SPATA13: variants seen among roughly 807,000 people sequenced by gnomAD.
SPATA13 encodes the protein spermatogenesis associated 13.
A neutral mutation model predicts 104.0 loss-of-function variants in SPATA13; 50 were observed. That is an observed-to-expected ratio of 0.48 (90% CI 0.38 to 0.61). SPATA13 has a LOEUF of 0.61. SPATA13 is among the 20% of genes least tolerant of loss of function. The pLI, the probability that SPATA13 is intolerant of heterozygous loss-of-function variation, is 0.00. For missense variants in SPATA13, 1,524 were observed against 1,690.6 expected (o/e 0.90, Z 1.73); for synonymous variants, 606 against 667.5 (o/e 0.91, Z 1.42).
At chr13:24,129,253 C>A (rs369497864) in intron 3 of SPATA13, among the ~76,000 whole-genome samples, 7 of 152,308 alleles carry the variant, frequency 4.6e-5, no homozygotes, top group African/African-American at 1.7e-4. Context: ...AGCAGCCAAC[C>A]ATCAAAGTCT....
At chr13:24,203,453 A>G (rs1870536669) in intron 1 of SPATA13, among the ~76,000 whole-genome samples, 4 of 152,178 alleles carry the variant, frequency 2.6e-5, no homozygotes. Flanking sequence ...TACATTTTGT[A>G]AAGTCTGTTT....
At chr13:24,215,402 T>C (rs1224485946) in intron 1 of SPATA13, among the ~76,000 whole-genome samples, 1 of 152,202 alleles carries the variant, frequency 6.6e-6, no homozygotes, top group East Asian at 1.9e-4. Flanking sequence ...GGAAAGGGCC[T>C]CTTCTGGGCC....
intron 3 of SPATA13, among the ~76,000 whole-genome samples, chr13:24,057,931 G>A (rs1593303663): frequency 6.6e-6 from 1 of 151,754 alleles, no homozygotes; most frequent in Middle Eastern, 3.4e-3. Flanking sequence ...CTAACTCCAC[G>A]TTATTATATC....
chr13:24,016,333 A>G (rs1377329251), intron 2 of SPATA13, among the ~76,000 whole-genome samples: 1 of 152,086 alleles, frequency 6.6e-6, no homozygotes, highest in African/African-American at 2.4e-5. Context: ...GCTGTTTCCC[A>G]GTAGCTACCA....
intron 1 of SPATA13, among the ~76,000 whole-genome samples, chr13:24,187,857 C>G (rs1869250427): frequency 6.6e-6 from 1 of 152,130 alleles, no homozygotes; most frequent in Non-Finnish European, 1.5e-5. Flanking sequence ...ATTAATAACT[C>G]TACAATAACC....
At chr13:24,078,442 T>C (rs1416176118) in intron 3 of SPATA13, among the ~76,000 whole-genome samples, 1 of 152,244 alleles carries the variant, frequency 6.6e-6, no homozygotes, top group Non-Finnish European at 1.5e-5. Flanking sequence ...CTGTCTCATT[T>C]ACAAATGAGA....
intron 1 of SPATA13, among the ~76,000 whole-genome samples, chr13:24,178,714 G>A (rs1381318988): frequency 6.6e-6 from 1 of 152,036 alleles, no homozygotes; most frequent in Non-Finnish European, 1.5e-5. Context: ...CTTCTGTCTA[G>A]GTTAAAAATT....
chr13:24,108,623 T>G (rs933883592), intron 3 of SPATA13, among the ~76,000 whole-genome samples: 1 of 149,958 alleles, frequency 6.7e-6, no homozygotes, highest in Non-Finnish European at 1.5e-5. Flanking sequence ...CCTTCCAGTT[T>G]GGAGCCTGGG....
chr13:24,056,481 A>G (rs1566087820), intron 3 of SPATA13, among the ~76,000 whole-genome samples: 1 of 152,214 alleles, frequency 6.6e-6, no homozygotes, highest in African/African-American at 2.4e-5. Context: ...ACATGCTCCC[A>G]TGGACCTCTG....
intron 1 of SPATA13, among the ~76,000 whole-genome samples, chr13:24,177,524 A>G (rs193071016): frequency 2.6e-5 from 4 of 152,290 alleles, no homozygotes; most frequent in Admixed American, 2.0e-4. Flanking sequence ...TTACTCTGCA[A>G]TCGTAGTTCA....
chr13:24,286,265 A>G lies in SPATA13; in HGVS notation c.2353A>G (p.Thr785Ala), dbSNP rs1477143810. 1 of 1,613,920 alleles carries G rather than the reference A, an allele frequency of 6.2e-7. No homozygotes were observed. Among genetic ancestry groups the G allele is most frequent in the African/African-American group, 1.3e-5 (1 of 74,912 alleles). ...CGCAGAAGCCCTGTGGGACCATGTG[A>G]CCATGGATGACCAGGAACTGGGCTT... ...VCAEALWDHV[T>A]MDDQELGFKA... is the part of the protein sequence containing the mutation. Residue 785 changes from threonine to alanine, a missense_variant, in exon 6 of 13, where the codon ACC (threonine) becomes GCC (alanine). This residue lies in a region of SPATA13 where 1,089 missense variants were observed against 1,135.9 expected (regional missense o/e 0.96). Transcript: ENST00000382108. This position sits in a 1 kb window ranked among gnomAD's most constrained non-coding sequence, Gnocchi z 4.9.
chr13:24,265,167 GCC>G (rs1279610223), intron 4 of SPATA13, among the ~76,000 whole-genome samples: 2 of 152,182 alleles, frequency 1.3e-5, no homozygotes, highest in Non-Finnish European at 2.9e-5. Flanking sequence ...GATGGGGCCC[GCC>G]CCTCCTGTGG....
At chr13:24,136,887 T>G (rs1183718855) in intron 3 of SPATA13, among the ~76,000 whole-genome samples, 1 of 107,394 alleles carries the variant, frequency 9.3e-6, no homozygotes, top group Non-Finnish European at 2.1e-5. Context: ...TGGAGTGCAG[T>G]GGCGGGATCT....
At chr13:24,133,890 A>T (rs1881467783) in intron 3 of SPATA13, among the ~76,000 whole-genome samples, 1 of 152,236 alleles carries the variant, frequency 6.6e-6, no homozygotes, top group Non-Finnish European at 1.5e-5. Flanking sequence ...AAGAAGTGAC[A>T]GCCTGCGTAG....
chr13:24,242,433 G>A (rs770226893), intron 2 of SPATA13, among the ~76,000 whole-genome samples: 1 of 152,186 alleles, frequency 6.6e-6, no homozygotes. Context: ...AAGGGTTTTT[G>A]CTATAACCTA....
At chr13:24,214,216 T>C (rs1301717807) in intron 1 of SPATA13, among the ~76,000 whole-genome samples, 1 of 152,226 alleles carries the variant, frequency 6.6e-6, no homozygotes, top group Non-Finnish European at 1.5e-5. Context: ...CACCTGCACA[T>C]GTGGTACATC....
At chr13:24,014,512 T>C (rs568504263) in intron 2 of SPATA13, among the ~76,000 whole-genome samples, 1 of 152,364 alleles carries the variant, frequency 6.6e-6, no homozygotes, top group South Asian at 2.1e-4. Context: ...TACTGTATAC[T>C]GTAGTCTTAC....
Position 24,303,330 on chromosome 13 carries a change from G to A in SPATA13, c.*557G>A, listed in dbSNP as rs995360646. On this transcript the variant is annotated 3_prime_UTR_variant, in exon 13 of 13. Coordinates refer to ENST00000382108, the MANE Select transcript of SPATA13 (RefSeq NM_001166271.3). ...GCTGACCACGGTGTTCCCTGGCATCGTCTGTGTCCACACAGATGCTAACTG... is the reference window on the plus strand; with the variant it reads ...GCTGACCACGGTGTTCCCTGGCATCATCTGTGTCCACACAGATGCTAACTG... 6.4e-6 allele frequency: 2 copies of A among 313,592 alleles called. No homozygotes were observed. Among genetic ancestry groups the A allele is most frequent in the Admixed American group, 4.1e-5 (1 of 24,294 alleles). The allele number at this position is 313,592 out of a possible 1,614,324, so 19.4% of individuals were successfully genotyped here.
At chr13:24,103,504 A>AAAAAAAAAAG (rs1458068316) in intron 3 of SPATA13, among the ~76,000 whole-genome samples, 1,180 of 115,306 alleles carry the variant, frequency 0.01, 57 homozygotes, top group Non-Finnish European at 0.014. Flanking sequence ...AAAAAAAAAC[A>AAAAAAAAAAG]AGAAAGAAAA....
Sources: allele counts gnomAD v4.1 joint callset (sites outside exome capture counted in the v4.1 genomes callset), GRCh38; gene constraint gnomAD v4.1.1; regional missense constraint gnomAD v4.1.1; non-coding constraint Gnocchi (gnomAD v3.1); transcripts MANE v1.5; gene names NCBI Gene and HGNC (gene_info 2026-07-23, HGNC 2026-07-21).